Variants in NDST4 observed in about 807,000 individuals in gnomAD.
NDST4 encodes N-heparan sulfate sulfotransferase 4.
Under a neutral mutation model 100.8 loss-of-function variants are expected in NDST4, and 63 were observed. That is an observed-to-expected ratio of 0.62 (90% CI 0.51 to 0.77). NDST4 has a LOEUF of 0.77. NDST4 is among the 30% of genes least tolerant of loss of function. The pLI is 0.00. For synonymous variants in NDST4, 377 were observed against 361.8 expected (o/e 1.04, Z -0.48); for missense variants, 943 against 1,018.4 (o/e 0.93, Z 1.01).
intron 3 of NDST4, among the ~76,000 whole-genome samples, chr4:114,975,824 T>A (rs1036073451): frequency 3.9e-5 from 6 of 152,226 alleles, no homozygotes; most frequent in African/African-American, 1.4e-4. Flanking sequence ...GCTTTATAAC[T>A]TCATAGTCAG....
At chr4:114,957,745 A>C (rs1182032059) in intron 4 of NDST4, among the ~76,000 whole-genome samples, 1 of 152,232 alleles carries the variant, frequency 6.6e-6, no homozygotes, top group East Asian at 1.9e-4. Flanking sequence ...ATACTGGGTA[A>C]ACACACCTGT....
At position 115,004,678 on chromosome 4, in the gene NDST4, T is replaced by C. The variant is rs569054380; in HGVS notation, c.979-27404A>G. Reference sequence around the variant, plus strand: ...CAAATCACAGTACAATTTGAACATATAATAGAAAGTTATTCTACTATAACA... The same window carrying C: ...CAAATCACAGTACAATTTGAACATACAATAGAAAGTTATTCTACTATAACA... On this transcript the variant is annotated intron_variant, in intron 2 of 13. Coordinates refer to ENST00000264363, the MANE Select transcript of NDST4 (RefSeq NM_022569.3). Among the ~76,000 whole-genome samples, 107 of 152,256 alleles carry C rather than the reference T, an allele frequency of 7.0e-4. 2 individuals carry two copies. Among genetic ancestry groups the C allele is most frequent in the Admixed American group, 1.9e-3 (29 of 15,286 alleles).
At chr4:115,004,420 G>A (rs1033661425) in intron 2 of NDST4, among the ~76,000 whole-genome samples, 9 of 152,248 alleles carry the variant, frequency 5.9e-5, no homozygotes, top group Middle Eastern at 3.4e-3. Context: ...GAGGTAAAGC[G>A]AATTTGCAGA....
chr4:115,015,010 T>C (rs78922871), intron 2 of NDST4, among the ~76,000 whole-genome samples: 11,607 of 152,078 alleles, frequency 0.076, 1,209 homozygotes, highest in African/African-American at 0.23. Context: ...AGTCAAGTCC[T>C]CACAATACAT....
chr4:115,088,333 T>TG (rs1729448153), intron 1 of NDST4, among the ~76,000 whole-genome samples: 1 of 151,080 alleles, frequency 6.6e-6, no homozygotes, highest in Non-Finnish European at 1.5e-5. Flanking sequence ...TTTTTTTTTT[T>TG]GCCTCCACCT....
intron 6 of NDST4, among the ~76,000 whole-genome samples, chr4:114,909,791 G>T (rs1456396938): frequency 6.6e-6 from 1 of 151,100 alleles, no homozygotes; most frequent in Non-Finnish European, 1.5e-5. Flanking sequence ...GGTTAATAAA[G>T]ACAATTTTAT....
chr4:115,023,810 G>A (rs1727916602), intron 2 of NDST4, among the ~76,000 whole-genome samples: 2 of 152,144 alleles, frequency 1.3e-5, no homozygotes, highest in Admixed American at 1.3e-4. Flanking sequence ...AGAGAACTTT[G>A]ATGGTGCTAC....
chr4:115,074,294 A>C (rs1729136306), intron 2 of NDST4, among the ~76,000 whole-genome samples: 1 of 152,096 alleles, frequency 6.6e-6, no homozygotes, highest in South Asian at 2.1e-4. Context: ...AAATAGTTGA[A>C]TTTGAGCTGG....
rs536023595 is a variant in NDST4, at chr4:114,886,542, C to T, written c.1537-15592G>A. On this transcript the variant is annotated intron_variant, in intron 6 of 13. Coordinates refer to ENST00000264363, the MANE Select transcript of NDST4 (RefSeq NM_022569.3). ...ATAAGTATTTATGACATAGCAATCA[C>T]GTTTTAAAGCTAATATAACAAAAAA... 1.3e-4 allele frequency among the ~76,000 whole-genome samples: 20 copies of T among 152,120 alleles called. No individual in the cohort carries two copies. In the South Asian group the frequency reaches 2.3e-3, roughly 17 times the overall value.
intron 6 of NDST4, among the ~76,000 whole-genome samples, chr4:114,932,309 T>G (rs898157642): frequency 6.6e-6 from 1 of 151,984 alleles, no homozygotes; most frequent in Non-Finnish European, 1.5e-5. Flanking sequence ...CCATTCATGA[T>G]AAAAAGCTCA....
chr4:114,869,887 G>T (rs1242856902), intron 7 of NDST4, among the ~76,000 whole-genome samples: 11 of 152,098 alleles, frequency 7.2e-5, no homozygotes, highest in Non-Finnish European at 1.5e-5. Context: ...TAGACAGAGT[G>T]GCATGTAATA....
intron 12 of NDST4, among the ~76,000 whole-genome samples, chr4:114,830,822 T>C (rs1436565421): frequency 6.6e-6 from 1 of 152,208 alleles, no homozygotes; most frequent in East Asian, 1.9e-4. Flanking sequence ...CAGAATATTT[T>C]GTTGCCCTGG....
chr4:115,109,442 T>C (rs563092662), intron 1 of NDST4, among the ~76,000 whole-genome samples: 20 of 152,072 alleles, frequency 1.3e-4, no homozygotes, highest in Admixed American at 1.1e-3. Context: ...ACTCATGTGT[T>C]TATTAGCTTG....
At chr4:114,917,112 A>C (rs1725190180) in intron 6 of NDST4, among the ~76,000 whole-genome samples, 1 of 152,128 alleles carries the variant, frequency 6.6e-6, no homozygotes, top group Non-Finnish European at 1.5e-5. Flanking sequence ...TAACCTATGC[A>C]TATCCTCCCA....
At chr4:114,987,601 A>ACT (rs1726941939) in intron 2 of NDST4, among the ~76,000 whole-genome samples, 1 of 152,200 alleles carries the variant, frequency 6.6e-6, no homozygotes, top group African/African-American at 2.4e-5. Flanking sequence ...TCCATGGGTC[A>ACT]CTATAAATTT....
At chr4:114,907,977 C>A (rs1724986487) in intron 6 of NDST4, among the ~76,000 whole-genome samples, 1 of 152,090 alleles carries the variant, frequency 6.6e-6, no homozygotes, top group African/African-American at 2.4e-5. Flanking sequence ...AAAGGAAAAT[C>A]ATTTAATATT....
intron 2 of NDST4, among the ~76,000 whole-genome samples, chr4:114,988,389 T>C (rs1310440875): frequency 8.7e-6 from 1 of 114,740 alleles, no homozygotes; most frequent in African/African-American, 3.6e-5. Context: ...TGAGACAGAG[T>C]CTCGATCTGT....
chr4:115,040,507 G>A (rs1398834167), intron 2 of NDST4, among the ~76,000 whole-genome samples: 1 of 151,364 alleles, frequency 6.6e-6, no homozygotes, highest in Non-Finnish European at 1.5e-5. Context: ...TCACCTCTCT[G>A]TATAGGAGAA....
chr4:115,009,327 C>T (rs1294085960), intron 2 of NDST4, among the ~76,000 whole-genome samples: 1 of 128,148 alleles, frequency 7.8e-6, no homozygotes, highest in East Asian at 2.5e-4. Context: ...GTACTGGTAC[C>T]AAAACAGAGA....
Sources: gnomAD v4.1 joint callset for allele counts (sites outside exome capture counted in the v4.1 genomes callset) on GRCh38, gnomAD v4.1.1 for gene constraint, MANE v1.5 for transcripts, NCBI Gene and HGNC (gene_info 2026-07-23, HGNC 2026-07-21) for gene names.